Variants in ADHFE1 observed in about 807,000 individuals in gnomAD.
The protein encoded by ADHFE1 is alcohol dehydrogenase iron containing 1.
In ADHFE1, 37 loss-of-function variants were observed where a neutral mutation model predicts 54.8. The ratio of observed to expected loss-of-function variants is 0.68; its 90% confidence interval spans 0.52 to 0.89. ADHFE1 has a LOEUF of 0.89. Among genes scored for constraint, ADHFE1 ranks in the 40% least tolerant of loss-of-function variants. The pLI, the probability that ADHFE1 is intolerant of heterozygous loss-of-function variation, is 0.00. For synonymous variants in ADHFE1, 203 were observed against 229.3 expected (o/e 0.89, Z 1.04); for missense variants, 601 against 591.2 (o/e 1.02, Z -0.17).
rs78921147 is a variant in ADHFE1 at position 66,448,157 on chromosome 8, G to T, written c.629-708G>T. Among the ~76,000 whole-genome samples the T allele has an allele frequency of 7.7e-3, 1,167 of 152,196 alleles. 3 individuals carry two copies. Among genetic ancestry groups the T allele is most frequent in the Non-Finnish European group, 0.012 (805 of 68,012 alleles). On this transcript the variant is annotated intron_variant, in intron 7 of 13. Coordinates refer to ENST00000396623, the MANE Select transcript of ADHFE1 (RefSeq NM_144650.3). ...TCTGTCTCAGACTCTTGGCTAATGCGGTAGAAATGTCTCTCTTTTTAGTCT... is the reference window on the plus strand; with the variant it reads ...TCTGTCTCAGACTCTTGGCTAATGCTGTAGAAATGTCTCTCTTTTTAGTCT...
intron 8 of ADHFE1, 52 bp from the exon 9 acceptor site, chr8:66,451,901 G>A: frequency 6.3e-7 from 1 of 1,592,170 alleles, no homozygotes; most frequent in Non-Finnish European, 8.6e-7. Context: ...TAAATGGAGG[G>A]AAGGAGGAAG....
intron 13 of ADHFE1, among the ~76,000 whole-genome samples, chr8:66,463,931 C>CA (rs1807036473): frequency 6.6e-6 from 1 of 152,192 alleles, no homozygotes; most frequent in Non-Finnish European, 1.5e-5. Context: ...CTGCCATAGC[C>CA]AGGCTGCAAG....
chr8:66,454,103 A>G lies in ADHFE1; in HGVS notation c.932A>G (p.His311Arg). 1 of 1,614,148 alleles carries G rather than the reference A, an allele frequency of 6.2e-7. No homozygotes were observed. Among genetic ancestry groups the G allele is most frequent in the Non-Finnish European group, 8.5e-7 (1 of 1,180,008 alleles). Residue 311 changes from histidine (H) to arginine (R), a missense_variant, in exon 10 of 14, where the codon CAC becomes CGC. His to Arg is a conservative substitution (Grantham distance 29). Coordinates refer to ENST00000396623, the MANE Select transcript of ADHFE1 (RefSeq NM_144650.3). ...GATCTTGAAGCAAGGTCTCATATGC[A>G]CTTGGCAAGTGCTTTTGCTGGCATC... ...PDDLEARSHM[H>R]LASAFAGIGF...
At chr8:66,441,390 C>T (rs528547806) in intron 2 of ADHFE1, among the ~76,000 whole-genome samples, 62 of 152,198 alleles carry the variant, frequency 4.1e-4, no homozygotes, top group Non-Finnish European at 7.4e-4. Context: ...GCCCCTGCAC[C>T]GGGACAGATT....
intron 7 of ADHFE1, 47 bp downstream of exon 7, chr8:66,447,388 A>G (rs759094660): frequency 1.5e-6 from 2 of 1,378,674 alleles, no homozygotes; most frequent in South Asian, 2.4e-5. Context: ...TCAACTCCAC[A>G]CTCTTCTTTA....
At chr8:66,435,659 G>A (rs955713046) in intron 1 of ADHFE1, among the ~76,000 whole-genome samples, 1 of 133,742 alleles carries the variant, frequency 7.5e-6, no homozygotes, top group African/African-American at 2.8e-5. Context: ...CACTTAGGCT[G>A]GAGTGCAGTG....
At chr8:66,461,159 T>C (rs928781853) in intron 13 of ADHFE1, among the ~76,000 whole-genome samples, 17 of 152,200 alleles carry the variant, frequency 1.1e-4, no homozygotes, top group Non-Finnish European at 2.1e-4. Flanking sequence ...CAAGGTCCTG[T>C]TCATTGCAAT....
chr8:66,440,588 T>C (rs1487571758), intron 2 of ADHFE1, among the ~76,000 whole-genome samples: 1 of 152,198 alleles, frequency 6.6e-6, no homozygotes, highest in Non-Finnish European at 1.5e-5. Flanking sequence ...AACAAGGTGG[T>C]TCCTAGAAAG....
intron 10 of ADHFE1, among the ~76,000 whole-genome samples, chr8:66,455,311 A>C (rs1191995488): frequency 6.6e-6 from 1 of 152,174 alleles, no homozygotes; most frequent in African/African-American, 2.4e-5. Flanking sequence ...TTTAAACTTA[A>C]ATGTAGGATT....
intron 7 of ADHFE1, 75 bp downstream of exon 7, chr8:66,447,416 A>T: frequency 7.8e-7 from 1 of 1,280,748 alleles, no homozygotes; most frequent in Non-Finnish European, 1.1e-6. Context: ...ATATTTAAAA[A>T]TCAAGCAGTT....
chr8:66,467,224 CCTG>C (rs2130508514), intron 13 of ADHFE1, among the ~76,000 whole-genome samples: 1 of 152,250 alleles, frequency 6.6e-6, no homozygotes, highest in South Asian at 2.1e-4. Context: ...GACTGACACT[CCTG>C]CTGATGAGTT....
intron 1 of ADHFE1, among the ~76,000 whole-genome samples, chr8:66,434,212 C>T (rs766434113): frequency 1.3e-5 from 2 of 152,124 alleles, no homozygotes; most frequent in African/African-American, 4.8e-5. Flanking sequence ...AAACAGTGGG[C>T]TCATTTACCA....
In ADHFE1 at chr8:66,432,568, C is replaced by T. The variant is rs1193508875; in HGVS notation, c.52C>T (p.Arg18Cys). The T allele has an allele frequency of 4.5e-6, 6 of 1,343,306 alleles. No homozygotes were observed. Among genetic ancestry groups the T allele is most frequent in the Non-Finnish European group, 5.8e-6 (6 of 1,038,822 alleles). The allele number at this position is 1,343,306 out of a possible 1,614,324, so 83.2% of individuals were successfully genotyped here. The change falls in exon 1 of 14, where the codon CGC becomes TGC. Residue 18 changes from arginine to cysteine, a missense_variant. Coordinates refer to ENST00000396623, the MANE Select transcript of ADHFE1 (RefSeq NM_144650.3). The stretch of plus-strand genomic sequence containing the variant: ...CGCGTACTTGCTGAGGCAACTGCAA[C>T]GCGCAGCGTGAGTGCGGGGCCGGCG... Reference protein sequence around the residue: ...RVAYLLRQLQRAACQCPTHSH... With the variant: ...RVAYLLRQLQCAACQCPTHSH...
chr8:66,464,322 G>A (rs1417001748), intron 13 of ADHFE1, among the ~76,000 whole-genome samples: 2 of 152,112 alleles, frequency 1.3e-5, no homozygotes, highest in African/African-American at 2.4e-5. Context: ...GGCCAGAAAC[G>A]CGAAACAGAA....
chr8:66,446,686 A>G (rs2718988), intron 6 of ADHFE1, among the ~76,000 whole-genome samples: 96,684 of 152,164 alleles, frequency 0.64, 32,234 homozygotes, highest in African/African-American at 0.83. Context: ...CATATTAAAC[A>G]TGACCATGTT....
Position 66,439,827 on chromosome 8 carries a change from G to A in ADHFE1, c.60-335G>A. 9.3e-7 allele frequency: 1 copy of A among 1,070,688 alleles called. No homozygotes were observed. Among genetic ancestry groups the A allele is most frequent in the Non-Finnish European group, 1.2e-6 (1 of 864,516 alleles). 66.3% of individuals were successfully genotyped at this position (1,070,688 alleles called of 1,614,324 possible). A position where few individuals can be genotyped will look rare whatever the true frequency, so the allele number is the denominator to read the frequency against. ...CAACGCTCCTAACCCAGTAAGAGCT[G>A]GGGCTTCATGGAGACCAGAGACCCC... On this transcript the variant is annotated intron_variant, in intron 1 of 13. Transcript: ENST00000396623. The surrounding 1 kb of genome is among the most constrained non-coding windows in gnomAD (Gnocchi z 4.4).
At chr8:66,445,013 A>G (rs866062070) in intron 5 of ADHFE1, among the ~76,000 whole-genome samples, 5 of 152,116 alleles carry the variant, frequency 3.3e-5, no homozygotes, top group Non-Finnish European at 7.4e-5. Context: ...AGGTGGGAGA[A>G]TCGCTTGAAC....
chr8:66,443,234 T>C (rs1279061256), intron 3 of ADHFE1, among the ~76,000 whole-genome samples: 2 of 150,596 alleles, frequency 1.3e-5, no homozygotes, highest in Middle Eastern at 6.5e-3. Context: ...TAATTATTTG[T>C]TTAAGTCCCT....
chr8:66,453,369 C>T (rs973701987), intron 9 of ADHFE1, among the ~76,000 whole-genome samples: 1 of 152,102 alleles, frequency 6.6e-6, no homozygotes, highest in Non-Finnish European at 1.5e-5. Context: ...TTACGCAAGG[C>T]AAAATTGCAA....
Sources: allele counts gnomAD v4.1 joint callset (sites outside exome capture counted in the v4.1 genomes callset), GRCh38; gene constraint gnomAD v4.1.1; non-coding constraint Gnocchi (gnomAD v3.1); transcripts MANE v1.5; gene names NCBI Gene and HGNC (gene_info 2026-07-23, HGNC 2026-07-21).